Variants in CDH9 observed in about 807,000 individuals in gnomAD.
The protein encoded by CDH9 is cadherin 9, also known as cadherin-9.
A neutral mutation model predicts 70.9 loss-of-function variants in CDH9; 28 were observed. That is an observed-to-expected ratio of 0.40 (90% CI 0.29 to 0.54). CDH9 has a LOEUF of 0.54. CDH9 is among the 20% of genes least tolerant of loss of function. CDH9 has a pLI of 0.59. For missense variants in CDH9, 874 were observed against 984.4 expected, an observed-to-expected ratio of 0.89 and a Z score of 1.50; for synonymous variants, 409 against 343.1, an observed-to-expected ratio of 1.19 and a Z score of -2.12.
In CDH9 at chr5:26,913,757, T is replaced by G. The variant is rs868223655; in HGVS notation, c.523+1873A>C. 4.9e-3 allele frequency among the ~76,000 whole-genome samples: 712 copies of G among 145,584 alleles called. 4 individuals carry two copies. The highest frequency in any genetic ancestry group is 5.3e-3 in the Non-Finnish European group (350 of 65,822). ...GATTCTAAAATATATACATATATGTTTGTGTGTGTGTGTGTGTGTGTGTGT... is the reference window on the plus strand; with the variant it reads ...GATTCTAAAATATATACATATATGTGTGTGTGTGTGTGTGTGTGTGTGTGT... On this transcript the variant is annotated intron_variant, in intron 3 of 11. Coordinates refer to ENST00000231021, the MANE Select transcript of CDH9 (RefSeq NM_016279.4).
At chr5:27,036,330 G>A (rs887035303) in intron 1 of CDH9, among the ~76,000 whole-genome samples, 1 of 151,904 alleles carries the variant, frequency 6.6e-6, no homozygotes, top group Non-Finnish European at 1.5e-5. Context: ...GTGACGTTCA[G>A]ATGAGCTTCT....
At chr5:26,928,190 T>G (rs1741379095) in intron 2 of CDH9, among the ~76,000 whole-genome samples, 1 of 152,166 alleles carries the variant, frequency 6.6e-6, no homozygotes. Flanking sequence ...AATAACATTT[T>G]TATATTCCAA....
chr5:26,911,190 T>C lies in CDH9; in HGVS notation c.524-4352A>G, dbSNP rs184011611. On this transcript the variant is annotated intron_variant, in intron 3 of 11. Transcript: ENST00000231021. ...TAGTTCTCAGCACCTGACTAGTTTT[T>C]ATTACTTAATCCTCATGATACATGT... Among the ~76,000 whole-genome samples the C allele has an allele frequency of 4.6e-5, 7 of 152,294 alleles. No homozygotes were observed. In the East Asian group the frequency reaches 1.2e-3, roughly 25 times the overall value.
At chr5:26,914,967 G>T (rs114264965) in intron 3 of CDH9, among the ~76,000 whole-genome samples, 2 of 151,858 alleles carry the variant, frequency 1.3e-5, no homozygotes, top group Non-Finnish European at 2.9e-5. Flanking sequence ...ATAAAACTCC[G>T]CACAAGTGGT....
chr5:26,990,530 T>A (rs1742563253), intron 1 of CDH9, among the ~76,000 whole-genome samples: 1 of 152,210 alleles, frequency 6.6e-6, no homozygotes, highest in Non-Finnish European at 1.5e-5. Flanking sequence ...AACTGTGGAA[T>A]AATTGGTAAA....
At chr5:26,954,388 C>CCTTTTTTTT (rs1741903617) in intron 2 of CDH9, among the ~76,000 whole-genome samples, 1 of 93,066 alleles carries the variant, frequency 1.1e-5, no homozygotes, top group Non-Finnish European at 1.9e-5. Flanking sequence ...TACAGCCTTT[C>CCTTTTTTTT]TTTTTTTTTT....
rs201744234 is a variant in CDH9 at position 26,889,938 on chromosome 5, G to C, written c.1410C>G (p.Ser470Arg). The C allele has an allele frequency of 8.7e-6, 14 of 1,608,432 alleles. No individual in the cohort carries two copies. The Admixed American group carries it at 2.4e-4, about 27-fold the overall frequency. Residue 470 changes from serine to arginine, a missense_variant, in exon 9 of 12, where the codon AGC (serine) becomes AGG (arginine). By Grantham distance (110) the Ser-to-Arg change is moderately radical. Coordinates refer to ENST00000231021, the MANE Select transcript of CDH9 (RefSeq NM_016279.4). ...ATEINNPKQSSHIPVFIRILD... is the reference protein window; with the variant it reads ...ATEINNPKQSRHIPVFIRILD... ...GAATTCTGATGAAGACAGGGATGTG[G>C]CTACTTTGTTTTGGGTTATCTGCAA...
intron 2 of CDH9, among the ~76,000 whole-genome samples, chr5:26,933,432 T>G (rs1238799252): frequency 2.0e-5 from 3 of 151,654 alleles, no homozygotes; most frequent in African/African-American, 7.3e-5. Flanking sequence ...TCAATGAAAC[T>G]AAAAGCTGGA....
intron 1 of CDH9, among the ~76,000 whole-genome samples, chr5:27,022,377 C>G (rs1393740229): frequency 6.6e-6 from 1 of 151,962 alleles, no homozygotes; most frequent in Admixed American, 6.6e-5. Context: ...TTGTCTTCTT[C>G]AAAGGATTGA....
chr5:26,881,122 G>A lies in CDH9; in HGVS notation c.*14C>T. 1 of 1,581,592 alleles carries A rather than the reference G, an allele frequency of 6.3e-7. No homozygotes were observed. The highest frequency in any genetic ancestry group is 8.6e-7 in the Non-Finnish European group (1 of 1,164,036). On this transcript the variant is annotated 3_prime_UTR_variant, in exon 12 of 12. Transcript: ENST00000231021. ...CAGTACTTCCACTAATATTGATTAAGTCAAACAATCCTCTTAGTCTCGGTC... is the reference window on the plus strand; with the variant it reads ...CAGTACTTCCACTAATATTGATTAAATCAAACAATCCTCTTAGTCTCGGTC...
At chr5:26,954,045 A>G (rs140088147) in intron 2 of CDH9, among the ~76,000 whole-genome samples, 92 of 152,292 alleles carry the variant, frequency 6.0e-4, no homozygotes, top group Non-Finnish European at 1.1e-3. Context: ...TTTGGCTATT[A>G]TCTACCTTTC....
chr5:26,987,234 T>C (rs974904686), intron 2 of CDH9, among the ~76,000 whole-genome samples: 1 of 151,824 alleles, frequency 6.6e-6, no homozygotes, highest in Non-Finnish European at 1.5e-5. Flanking sequence ...AAATTTATGA[T>C]CTGTAGACTG....
At chr5:26,889,413 C>T (rs1740617742) in intron 9 of CDH9, among the ~76,000 whole-genome samples, 1 of 151,914 alleles carries the variant, frequency 6.6e-6, no homozygotes, top group Non-Finnish European at 1.5e-5. Context: ...TTAAAAGTGG[C>T]AAAATGTAAT....
chr5:26,939,900 A>G (rs1741629678), intron 2 of CDH9, among the ~76,000 whole-genome samples: 1 of 152,118 alleles, frequency 6.6e-6, no homozygotes, highest in South Asian at 2.1e-4. Flanking sequence ...CTGTAATCCC[A>G]GCACTTTGGG....
chr5:26,957,339 A>G (rs1371044017), intron 2 of CDH9, among the ~76,000 whole-genome samples: 3 of 152,256 alleles, frequency 2.0e-5, no homozygotes, highest in South Asian at 2.1e-4. Context: ...AAAAAATCAT[A>G]GGCTGTAAAT....
chr5:26,954,883 G>A (rs1741918251), intron 2 of CDH9, among the ~76,000 whole-genome samples: 1 of 152,112 alleles, frequency 6.6e-6, no homozygotes, highest in Non-Finnish European at 1.5e-5. Flanking sequence ...ATAATTTATA[G>A]TGGGCCAGGT....
intron 2 of CDH9, among the ~76,000 whole-genome samples, chr5:26,953,304 CAAA>C (rs1432639776): frequency 2.0e-5 from 3 of 152,186 alleles, no homozygotes; most frequent in South Asian, 4.1e-4. Context: ...TATTGTGCTA[CAAA>C]AATATTTTCT....
intron 3 of CDH9, among the ~76,000 whole-genome samples, chr5:26,913,585 GT>G (rs1485416421): frequency 1.3e-5 from 2 of 152,030 alleles, no homozygotes; most frequent in African/African-American, 4.8e-5. Flanking sequence ...CTGATCCGAA[GT>G]TGTACTGCTT....
intron 2 of CDH9, among the ~76,000 whole-genome samples, chr5:26,952,621 A>G (rs1171094533): frequency 7.5e-6 from 1 of 132,664 alleles, no homozygotes; most frequent in Non-Finnish European, 1.6e-5. Context: ...GGCGACAGAG[A>G]AAGACTCCGT....
Sources: gnomAD v4.1 joint callset for allele counts (sites outside exome capture counted in the v4.1 genomes callset) on GRCh38, gnomAD v4.1.1 for gene constraint, MANE v1.5 for transcripts, NCBI Gene and HGNC (gene_info 2026-07-23, HGNC 2026-07-21) for gene names.